Variants in MAGI2 observed in about 807,000 individuals in gnomAD.
The protein encoded by MAGI2 is membrane-associated guanylate kinase, WW and PDZ domain-containing protein 2.
Under a neutral mutation model 133.3 loss-of-function variants are expected in MAGI2, and 35 were observed. That is an observed-to-expected ratio of 0.26 (90% CI 0.20 to 0.35). The LOEUF (loss-of-function observed/expected upper bound fraction) is 0.35. Ranked by LOEUF, MAGI2 falls within the 10% of genes least tolerant of loss-of-function variation. The pLI is 1.00. For synonymous variants in MAGI2, 729 were observed against 710.6 expected, an observed-to-expected ratio of 1.03 and a Z score of -0.41; for missense variants, 1,636 against 1,863.4, an observed-to-expected ratio of 0.88 and a Z score of 2.25.
intron 6 of MAGI2, among the ~76,000 whole-genome samples, chr7:78,410,793 T>C (rs756364941): frequency 2.0e-5 from 3 of 151,586 alleles, no homozygotes; most frequent in Non-Finnish European, 4.4e-5. Context: ...AAGAAGACCA[T>C]GAAAGATGAT....
At chr7:78,531,302 C>T (rs1158477646) in intron 3 of MAGI2, among the ~76,000 whole-genome samples, 1 of 151,388 alleles carries the variant, frequency 6.6e-6, no homozygotes, top group East Asian at 1.9e-4. Flanking sequence ...CAATCTCTGC[C>T]TCCTGGGTTC....
intron 16 of MAGI2, among the ~76,000 whole-genome samples, chr7:78,137,084 T>C (rs1285004753): frequency 6.6e-6 from 1 of 151,702 alleles, no homozygotes; most frequent in African/African-American, 2.4e-5. Context: ...ATATAAGAAC[T>C]CATTAATTTA....
At chr7:78,708,045 A>G (rs1818825350) in intron 2 of MAGI2, among the ~76,000 whole-genome samples, 1 of 152,154 alleles carries the variant, frequency 6.6e-6, no homozygotes, top group African/African-American at 2.4e-5. Flanking sequence ...AAAGTAATAT[A>G]TTGGTATATC....
chr7:78,592,826 CTCT>C (rs1247603069), intron 3 of MAGI2, among the ~76,000 whole-genome samples: 2 of 77,022 alleles, frequency 2.6e-5, no homozygotes, highest in African/African-American at 9.8e-5. Flanking sequence ...ATTACTGATT[CTCT>C]TTTTTTTTTT....
chr7:79,449,805 G>A (rs1849107741), intron 1 of MAGI2, among the ~76,000 whole-genome samples: 1 of 149,956 alleles, frequency 6.7e-6, no homozygotes, highest in Non-Finnish European at 1.5e-5. Flanking sequence ...ATAATTCCTT[G>A]AATTTCATTA....
rs55702823 is a variant in MAGI2, at chr7:78,637,281, C to T, written c.419-10042G>A. Among the ~76,000 whole-genome samples, 1,058 of 152,094 alleles carry T rather than the reference C, an allele frequency of 7.0e-3. 15 individuals carry two copies. Among genetic ancestry groups the T allele is most frequent in the African/African-American group, 0.025 (1,022 of 41,486 alleles). On this transcript the variant is annotated intron_variant, in intron 2 of 21. Coordinates refer to ENST00000354212, the MANE Select transcript of MAGI2 (RefSeq NM_012301.4). ...TTAAATGAATTTGGGAAATAATGCA[C>T]CTATCTTTATTTATGTGTCCTTATA...
intron 6 of MAGI2, among the ~76,000 whole-genome samples, chr7:78,428,065 C>T (rs774441970): frequency 3.9e-5 from 6 of 152,118 alleles, no homozygotes; most frequent in Admixed American, 6.6e-5. Context: ...AGGAACGCAT[C>T]GTAACAGAGT....
intron 2 of MAGI2, 65 bp downstream of exon 2, chr7:79,007,025 A>G: frequency 1.7e-6 from 2 of 1,164,994 alleles, no homozygotes. Context: ...TCTTTTAATC[A>G]ATGAATATAT....
intron 1 of MAGI2, among the ~76,000 whole-genome samples, chr7:79,229,535 T>C (rs1285845062): frequency 6.6e-6 from 1 of 152,176 alleles, no homozygotes; most frequent in Non-Finnish European, 1.5e-5. Flanking sequence ...CCGGAGCCTA[T>C]AATAGTATGC....
chr7:78,372,381 T>G (rs941730019), intron 6 of MAGI2, among the ~76,000 whole-genome samples: 2 of 152,188 alleles, frequency 1.3e-5, no homozygotes, highest in African/African-American at 2.4e-5. Flanking sequence ...CTTCTTTAAA[T>G]TAAGCTAACA....
At chr7:78,195,101 A>G in intron 11 of MAGI2, 38 bp from the exon 12 acceptor site, 2 of 1,518,364 alleles carry the variant, frequency 1.3e-6, no homozygotes, top group Non-Finnish European at 1.8e-6. Flanking sequence ...TGACTGACAA[A>G]TTCTTCCTGG....
intron 21 of MAGI2, among the ~76,000 whole-genome samples, chr7:78,036,883 A>C (rs955563915): frequency 6.6e-6 from 1 of 152,168 alleles, no homozygotes; most frequent in African/African-American, 2.4e-5. Flanking sequence ...CAAAGTGCTG[A>C]GATTATAGGT....
intron 1 of MAGI2, among the ~76,000 whole-genome samples, chr7:79,072,810 A>T (rs1178620393): frequency 1.3e-5 from 2 of 152,202 alleles, no homozygotes; most frequent in Non-Finnish European, 2.9e-5. Context: ...GACAGTATAT[A>T]AAGCAGAAAT....
At chr7:78,944,667 C>T (rs919790163) in intron 2 of MAGI2, among the ~76,000 whole-genome samples, 5 of 152,040 alleles carry the variant, frequency 3.3e-5, no homozygotes, top group African/African-American at 9.7e-5. Context: ...CGCCCACTAG[C>T]ACCCAGGGAT....
At chr7:79,420,240 A>G (rs932613574) in intron 1 of MAGI2, among the ~76,000 whole-genome samples, 3 of 152,058 alleles carry the variant, frequency 2.0e-5, no homozygotes, top group African/African-American at 7.2e-5. Context: ...GTTCACACAC[A>G]AACATGCAAC....
intron 3 of MAGI2, among the ~76,000 whole-genome samples, chr7:78,564,780 ATTCTTTTTT>A: frequency 1.4e-5 from 1 of 72,198 alleles, no homozygotes; most frequent in South Asian, 4.7e-4. Context: ...TCTCTTTGAC[ATTCTTTTTT>A]TTTTTTTTTT....
At chr7:79,192,527 T>G (rs959219990) in intron 1 of MAGI2, among the ~76,000 whole-genome samples, 1 of 151,826 alleles carries the variant, frequency 6.6e-6, no homozygotes, top group Non-Finnish European at 1.5e-5. Context: ...TGTGAGAGAC[T>G]CTCACTTACA....
intron 3 of MAGI2, among the ~76,000 whole-genome samples, chr7:78,555,310 A>C (rs1289893179): frequency 6.6e-6 from 1 of 152,112 alleles, no homozygotes; most frequent in African/African-American, 2.4e-5. Flanking sequence ...ATAAAACTCA[A>C]CCAGGGACCC....
chr7:78,770,332 C>T (rs769849625), intron 2 of MAGI2, among the ~76,000 whole-genome samples: 32 of 152,142 alleles, frequency 2.1e-4, no homozygotes, highest in Admixed American at 1.8e-3. Flanking sequence ...AGGTAAAACA[C>T]ACTCTGCTGG....
Sources: gnomAD v4.1 joint callset for allele counts (sites outside exome capture counted in the v4.1 genomes callset) on GRCh38, gnomAD v4.1.1 for gene constraint, MANE v1.5 for transcripts, NCBI Gene and HGNC (gene_info 2026-07-23, HGNC 2026-07-21) for gene names.